BICDL1: variants seen among roughly 807,000 people sequenced by gnomAD.
BICDL1 encodes the protein BICD family like cargo adaptor 1, also known as BICD family-like cargo adapter 1.
BICDL1 carries 20 observed loss-of-function variants against 76.8 expected under a neutral mutation model. The observed-to-expected ratio is 0.26, with a 90% CI of 0.18 to 0.38. The LOEUF (loss-of-function observed/expected upper bound fraction) is 0.38, where lower values mean the gene tolerates loss of function less well. Among genes scored for constraint, BICDL1 ranks in the 10% least tolerant of loss-of-function variants. BICDL1 has a pLI of 1.00. For missense variants in BICDL1, 700 were observed against 798.6 expected, an observed-to-expected ratio of 0.88 and a Z score of 1.49; for synonymous variants, 383 against 337.1, an observed-to-expected ratio of 1.14 and a Z score of -1.49.
chr12:120,091,849 A>G (rs1566275186), intron 9 of BICDL1: 29 of 985,224 alleles, frequency 2.9e-5, no homozygotes, highest in Non-Finnish European at 3.5e-5. Context: ...GCCCAACTTC[A>G]TGCCCTCATC....
intron 9 of BICDL1, chr12:120,092,005 G>C: frequency 1.0e-6 from 1 of 985,450 alleles, no homozygotes; most frequent in Non-Finnish European, 1.2e-6. Context: ...GGTCTTACCA[G>C]GATGCCGCAG....
At chr12:120,048,823 A>T (rs1035116551) in intron 2 of BICDL1, among the ~76,000 whole-genome samples, 6 of 150,492 alleles carry the variant, frequency 4.0e-5, no homozygotes, top group East Asian at 2.0e-4. Flanking sequence ...TTTTGTTGAC[A>T]TTTTTTTTTA....
intron 2 of BICDL1, chr12:120,057,262 A>G: frequency 2.7e-6 from 1 of 367,692 alleles, no homozygotes; most frequent in East Asian, 8.4e-5. Context: ...CGATCCTTCC[A>G]CCTTGGCCTC....
chr12:120,026,496 T>C (rs1180022880), intron 2 of BICDL1, among the ~76,000 whole-genome samples: 1 of 152,130 alleles, frequency 6.6e-6, no homozygotes, highest in Non-Finnish European at 1.5e-5. Flanking sequence ...GATAAGAACA[T>C]GGAAGATAAA....
chr12:120,003,639 C>T (rs10128766), intron 2 of BICDL1, among the ~76,000 whole-genome samples: 1 of 152,120 alleles, frequency 6.6e-6, no homozygotes, highest in Non-Finnish European at 1.5e-5. Flanking sequence ...ATCATAGATA[C>T]TCCTGGAATT....
At chr12:120,057,851 G>A (rs1384361045) in intron 2 of BICDL1, among the ~76,000 whole-genome samples, 1 of 99,616 alleles carries the variant, frequency 1.0e-5, no homozygotes, top group Admixed American at 1.3e-4. Flanking sequence ...TTTTTTTTGA[G>A]ACGGAGTCTT....
chr12:120,054,601 G>C (rs554196172), intron 2 of BICDL1, among the ~76,000 whole-genome samples: 2 of 152,252 alleles, frequency 1.3e-5, no homozygotes, highest in Non-Finnish European at 2.9e-5. Context: ...ATAATAGGCT[G>C]GGTGTGGTGG....
Position 120,022,754 on chromosome 12 carries a change from A to G in BICDL1, c.645+24018A>G, listed in dbSNP as rs1033424597. On this transcript the variant is annotated intron_variant, in intron 2 of 9. Transcript: ENST00000548673. ...GGAAACAAAAGAGGTGAGGCCTACA[A>G]TTGCCCCCAGACTGCCTTGACTTTC... Among the ~76,000 whole-genome samples, 8 of 152,052 alleles carry G rather than the reference A, an allele frequency of 5.3e-5. No homozygotes were observed. In the East Asian group the frequency reaches 1.5e-3, roughly 29 times the overall value.
At chr12:120,030,053 G>A (rs888037199) in intron 2 of BICDL1, among the ~76,000 whole-genome samples, 2 of 152,064 alleles carry the variant, frequency 1.3e-5, no homozygotes, top group Admixed American at 6.6e-5. Context: ...TATATTCAGC[G>A]TACAACATGA....
At chr12:120,022,431 A>G (rs1334877232) in intron 2 of BICDL1, among the ~76,000 whole-genome samples, 3 of 147,058 alleles carry the variant, frequency 2.0e-5, no homozygotes, top group African/African-American at 7.4e-5. Flanking sequence ...TATTTTTTAT[A>G]TTATATATAA....
At chr12:120,085,125 A>G (rs961003991) in intron 8 of BICDL1, among the ~76,000 whole-genome samples, 3 of 152,096 alleles carry the variant, frequency 2.0e-5, no homozygotes, top group African/African-American at 7.2e-5. Context: ...GATTTCCACT[A>G]TATTTAGTTA....
intron 2 of BICDL1, among the ~76,000 whole-genome samples, chr12:120,013,065 C>T (rs1165389000): frequency 7.2e-5 from 11 of 152,022 alleles, no homozygotes; most frequent in Non-Finnish European, 1.2e-4. Flanking sequence ...AATCCCAGCA[C>T]TTTGGGAGGC....
At chr12:120,085,291 A>C (rs1046482348) in intron 8 of BICDL1, among the ~76,000 whole-genome samples, 7 of 152,074 alleles carry the variant, frequency 4.6e-5, no homozygotes, top group African/African-American at 1.7e-4. Flanking sequence ...ACCCAAACAA[A>C]AAAAAAAGAA....
At chr12:120,066,913 T>C (rs1028196544) in intron 4 of BICDL1, among the ~76,000 whole-genome samples, 3 of 152,196 alleles carry the variant, frequency 2.0e-5, no homozygotes, top group African/African-American at 7.2e-5. Context: ...AATCCTTTGA[T>C]TTTAAATCCT....
intron 6 of BICDL1, among the ~76,000 whole-genome samples, chr12:120,073,177 A>G (rs1403014790): frequency 6.6e-6 from 1 of 152,224 alleles, no homozygotes; most frequent in Non-Finnish European, 1.5e-5. Flanking sequence ...CCAGGCCGTG[A>G]GCCCTTATTT....
chr12:120,002,385 A>T (rs1951775873), intron 2 of BICDL1, among the ~76,000 whole-genome samples: 2 of 152,170 alleles, frequency 1.3e-5, no homozygotes, highest in Admixed American at 6.6e-5. Context: ...CAACTCTTGG[A>T]TGTTAATCAG....
chr12:120,053,220 G>T (rs1952901846), intron 2 of BICDL1, among the ~76,000 whole-genome samples: 1 of 152,192 alleles, frequency 6.6e-6, no homozygotes, highest in South Asian at 2.1e-4. Flanking sequence ...GAGTAGCTGG[G>T]ATTACAGGCA....
At position 120,079,780 on chromosome 12, in the gene BICDL1, A is replaced by G. The variant is rs1468183624; in HGVS notation, c.1453-1107A>G. Among the ~76,000 whole-genome samples, 1 of 152,230 alleles carries G rather than the reference A, an allele frequency of 6.6e-6. No homozygotes were observed. Among genetic ancestry groups the G allele is most frequent in the African/African-American group, 2.4e-5 (1 of 41,462 alleles). ...CCCGGTTCCAAAACAAGAAAGGGCC[A>G]TGGGAAAAGGGACAACAAACAAACT... On this transcript the variant is annotated intron_variant, in intron 7 of 9. Transcript: ENST00000548673. This position sits in a 1 kb window ranked among gnomAD's most constrained non-coding sequence, Gnocchi z 4.3.
intron 8 of BICDL1, 72 bp from the exon 9 acceptor site, chr12:120,089,879 G>T: frequency 1.3e-6 from 2 of 1,568,606 alleles, no homozygotes; most frequent in South Asian, 1.2e-5. Context: ...TGGGACTCCA[G>T]GTGCCCCAAG....
Sources: allele counts gnomAD v4.1 joint callset (sites outside exome capture counted in the v4.1 genomes callset), GRCh38; gene constraint gnomAD v4.1.1; non-coding constraint Gnocchi (gnomAD v3.1); transcripts MANE v1.5; gene names NCBI Gene and HGNC (gene_info 2026-07-23, HGNC 2026-07-21).